The following SH3BP1 variants were observed in gnomAD, a reference collection of about 807,000 sequenced individuals.
SH3BP1 encodes SH3 domain-binding protein 1.
Under a neutral mutation model 69.8 loss-of-function variants are expected in SH3BP1, and 46 were observed. The observed-to-expected ratio is 0.66, with a 90% CI of 0.52 to 0.84. The LOEUF is 0.84. SH3BP1 is among the 40% of genes least tolerant of loss of function. The probability of loss-of-function intolerance (pLI) is 0.00; values close to 1 mark genes in which losing one functional copy is unlikely to be tolerated. For synonymous variants in SH3BP1, 403 were observed against 378.0 expected (o/e 1.07, Z -0.77); for missense variants, 868 against 930.9 (o/e 0.93, Z 0.88).
chr22:37,639,927 G>A, intron 1 of SH3BP1, 81 bp downstream of exon 1: 1 of 1,031,458 alleles, frequency 9.7e-7, no homozygotes, highest in Admixed American at 2.7e-5. Flanking sequence ...AGACGGGGGT[G>A]GGGGAGGCTG....
intron 8 of SH3BP1, 78 bp downstream of exon 8, chr22:37,644,783 ATGG>A: frequency 6.2e-7 from 1 of 1,604,768 alleles, no homozygotes; most frequent in Non-Finnish European, 8.5e-7. Context: ...GGGCTCTAAG[ATGG>A]TGGAGGGGGC....
chr22:37,645,736 C>T (rs377642073), intron 10 of SH3BP1, among the ~76,000 whole-genome samples: 1 of 152,160 alleles, frequency 6.6e-6, no homozygotes, highest in African/African-American at 2.4e-5. Context: ...CTCCATTTCA[C>T]AATTTCACAA....
intron 1 of SH3BP1, chr22:37,640,866 T>G: frequency 3.9e-6 from 2 of 514,328 alleles, no homozygotes; most frequent in East Asian, 3.5e-5. Flanking sequence ...AGCCTCCCCT[T>G]TAGTTTCATC....
intron 10 of SH3BP1, 90 bp from the exon 11 acceptor site, chr22:37,646,728 G>C: frequency 1.4e-6 from 1 of 710,066 alleles, no homozygotes; most frequent in Non-Finnish European, 2.2e-6. Flanking sequence ...CCTAGCAAAG[G>C]CCAGTGGCAC....
At chr22:37,644,410 G>A (rs1932738146) in intron 7 of SH3BP1, among the ~76,000 whole-genome samples, 1 of 152,220 alleles carries the variant, frequency 6.6e-6, no homozygotes. Flanking sequence ...AAGGCACTGT[G>A]CTAAGTCTAT....
chr22:37,643,252 C>T (rs1932676224), intron 6 of SH3BP1, 78 bp downstream of exon 6: 14 of 1,278,886 alleles, frequency 1.1e-5, no homozygotes, highest in East Asian at 7.5e-5. Context: ...AGGCCCTGGC[C>T]ACACCAGGAG....
rs7289630 is a variant in SH3BP1 at position 37,653,809 on chromosome 22, C to T, written c.1629C>T (p.Ala543=). ...AGTCTGAGGTGCCTCCCAGACCAGC[C>T]TCCCCCAAGGTCACCAGGAGTCCCC... ...RTESEVPPRP[A]SPKVTRSPPE... is the part of the protein sequence containing the mutation. The change falls in exon 17 of 18, where the codon GCC becomes GCT. Residue 543 remains alanine (A), a synonymous_variant. Transcript: ENST00000649765. The T allele has an allele frequency of 2.9e-3, 4,640 of 1,613,786 alleles. 137 individuals are homozygous for T. The African/African-American group carries it at 0.056, about 19-fold the overall frequency.
intron 6 of SH3BP1, 178 bp from the exon 7 acceptor site, chr22:37,643,466 C>T: frequency 1.2e-6 from 1 of 846,124 alleles, no homozygotes; most frequent in Non-Finnish European, 1.8e-6. Flanking sequence ...CCAAATCTGC[C>T]ACCAGGGGGC....
chr22:37,640,656 AG>A (rs1357631876), intron 1 of SH3BP1: 2 of 176,682 alleles, frequency 1.1e-5, no homozygotes, highest in African/African-American at 4.8e-5. Context: ...ATGTGTCCCC[AG>A]GTGGGGGCCA....
In SH3BP1 at chr22:37,639,833, G is replaced by A; in HGVS notation, c.46G>A (p.Gly16Ser). 6.4e-7 allele frequency: 1 copy of A among 1,573,340 alleles called. No homozygotes were observed. The highest frequency in any genetic ancestry group is 8.6e-7 in the Non-Finnish European group (1 of 1,162,090). ...CCGCATGCGGCAGCTGGCCCAGACGGGCAGCTTGGGACGGTGAGTGTCACC... is the reference window on the plus strand; with the variant it reads ...CCGCATGCGGCAGCTGGCCCAGACGAGCAGCTTGGGACGGTGAGTGTCACC... The part of the protein sequence containing the change: ...LHRMRQLAQT[G>S]SLGRTPETAE... Residue 16 changes from glycine to serine, a missense_variant, in exon 1 of 18, where the codon GGC becomes AGC. Physicochemically the swap from Gly to Ser is moderately conservative, Grantham distance 56. Coordinates refer to ENST00000649765, the MANE Select transcript of SH3BP1 (RefSeq NM_018957.6).
chr22:37,648,068 G>A (rs1932814942), intron 13 of SH3BP1, among the ~76,000 whole-genome samples: 1 of 152,224 alleles, frequency 6.6e-6, no homozygotes, highest in African/African-American at 2.4e-5. Context: ...CCACCTCTGG[G>A]CAGGCCACTC....
chr22:37,648,350 G>A lies in SH3BP1; in HGVS notation c.1231G>A (p.Glu411Lys), dbSNP rs559771452. The A allele has an allele frequency of 3.8e-6, 6 of 1,576,770 alleles. No individual in the cohort carries two copies. The highest frequency in any genetic ancestry group is 2.3e-5 in the East Asian group (1 of 43,672). ...YLMKFLARLA[E>K]EQEVNKMTPS... Reference sequence around the variant, plus strand: ...GATGAAGTTCCTGGCACGGCTGGCCGAGGAGCAGGAGGTGAACAAGATGAC... The same window carrying A: ...GATGAAGTTCCTGGCACGGCTGGCCAAGGAGCAGGAGGTGAACAAGATGAC... The change falls in exon 14 of 18, where the codon GAG becomes AAG. Residue 411 changes from glutamate to lysine, a missense_variant. Transcript: ENST00000649765.
Position 37,642,766 on chromosome 22 carries a change from G to A in SH3BP1, c.285-129G>A, listed in dbSNP as rs558157599. ...AGTGAGGGTGGCCAGGCCTGGGAGGGTGTTCAGCTTAGCAGAGATGAAGGA... is the reference window on the plus strand; with the variant it reads ...AGTGAGGGTGGCCAGGCCTGGGAGGATGTTCAGCTTAGCAGAGATGAAGGA... On this transcript the variant is annotated intron_variant, in intron 4 of 17. Coordinates refer to ENST00000649765, the MANE Select transcript of SH3BP1 (RefSeq NM_018957.6). 6.3e-6 allele frequency: 10 copies of A among 1,598,378 alleles called. 2 individuals carry two copies. The South Asian group carries it at 1.0e-4, about 16-fold the overall frequency.
At chr22:37,643,491 A>AAATC in intron 6 of SH3BP1, 153 bp from the exon 7 acceptor site, 1 of 1,106,074 alleles carries the variant, frequency 9.0e-7, no homozygotes, top group Non-Finnish European at 1.3e-6. Flanking sequence ...CAGAGCACTC[A>AAATC]TGGCCCAGCC....
At chr22:37,645,143 A>G in intron 9 of SH3BP1, 183 bp downstream of exon 9, 1 of 824,478 alleles carries the variant, frequency 1.2e-6, no homozygotes, top group South Asian at 1.7e-5. Flanking sequence ...AGCGGGCAGG[A>G]CTAGAGCCAG....
Position 37,647,437 on chromosome 22 carries a change from C to A in SH3BP1, c.1119-4C>A, listed in dbSNP as rs3213528. ...GGCTGACAGGTCTCTCCACTCCCCC[C>A]CAGCCTGAAGGAGCCAGGGGCCCGG... On this transcript the variant is annotated splice_polypyrimidine_tract_variant and splice_region_variant and intron_variant, in intron 12 of 17. Transcript: ENST00000649765. 712,202 of 1,610,998 alleles carry A rather than the reference C, an allele frequency of 0.44. 161,276 individuals are homozygous for A. Among genetic ancestry groups the A allele is most frequent in the Middle Eastern group, 0.52 (3,125 of 6,052 alleles).
rs202167336 is a variant in SH3BP1, at chr22:37,643,082, C to G, written c.397-16C>G. 4 of 1,610,424 alleles carry G rather than the reference C, an allele frequency of 2.5e-6. No homozygotes were observed. The highest frequency in any genetic ancestry group is 4.5e-5 in the East Asian group (2 of 44,740). On this transcript the variant is annotated splice_polypyrimidine_tract_variant and intron_variant, in intron 5 of 17. Transcript: ENST00000649765. ...CTCCTCCCCCAGCACACTGACCCCC[C>G]CATGCCCATCCCCAGGAGGAGCTGC... is the stretch of plus-strand genomic sequence containing the variant.
chr22:37,655,514 TC>T lies in SH3BP1; in HGVS notation c.1940del (p.Pro647GlnfsTer11), dbSNP rs752927499. The T allele has an allele frequency of 2.1e-6, 3 of 1,421,690 alleles. No homozygotes were observed. Among genetic ancestry groups the T allele is most frequent in the South Asian group, 1.3e-5 (1 of 78,480 alleles). 88.1% of individuals were successfully genotyped at this position (1,421,690 alleles called of 1,614,324 possible). A position where few individuals can be genotyped will look rare whatever the true frequency, so the allele number is the denominator to read the frequency against. ...RRSPASPSPA[S>X]PGPASPSPVS... The stretch of plus-strand genomic sequence containing the variant: ...TTCACCAGCCTCCCCCAGCCCGGCC[TC>T]CCCAGGTCCAGCCTCCCCCAGCCCA... On this transcript the variant is annotated frameshift_variant, in exon 18 of 18. Transcript: ENST00000649765. LOFTEE classifies it low-confidence loss of function (END_TRUNC).
chr22:37,645,815 G>A (rs1360693551), intron 10 of SH3BP1, among the ~76,000 whole-genome samples: 4 of 152,120 alleles, frequency 2.6e-5, no homozygotes, highest in African/African-American at 9.7e-5. Flanking sequence ...CAAACCAGGG[G>A]CTCCACTGCC....
Sources: allele counts gnomAD v4.1 joint callset (sites outside exome capture counted in the v4.1 genomes callset), GRCh38; gene constraint gnomAD v4.1.1; transcripts MANE v1.5; gene names NCBI Gene and HGNC (gene_info 2026-07-23, HGNC 2026-07-21).